The following STRN4 variants were observed in gnomAD, a reference collection of about 807,000 sequenced individuals.
STRN4 encodes striatin 4.
STRN4 carries 27 observed loss-of-function variants against 77.9 expected under a neutral mutation model. That is an observed-to-expected ratio of 0.35 (90% confidence interval 0.26 to 0.48). STRN4 has a LOEUF of 0.48. Ranked by LOEUF, STRN4 falls within the 20% of genes least tolerant of loss-of-function variation. The pLI is 0.99. For synonymous variants in STRN4, 466 were observed against 443.1 expected, an observed-to-expected ratio of 1.05 and a Z score of -0.65; for missense variants, 798 against 1,049.7, an observed-to-expected ratio of 0.76 and a Z score of 3.31.
At chr19:46,724,137 A>G (rs80339149) in intron 12 of STRN4, among the ~76,000 whole-genome samples, 1 of 151,310 alleles carries the variant, frequency 6.6e-6, no homozygotes, top group African/African-American at 2.4e-5. Context: ...AATCCCAGCT[A>G]CTCGGGAGGC....
In STRN4 at chr19:46,746,342, C is replaced by T; in HGVS notation, c.89G>A (p.Gly30Glu). 1 of 1,271,706 alleles carries T rather than the reference C, an allele frequency of 7.9e-7. No homozygotes were observed. Among genetic ancestry groups the T allele is most frequent in the African/African-American group, 1.6e-5 (1 of 62,904 alleles). The allele number at this position is 1,271,706 out of a possible 1,614,324, so 78.8% of individuals were successfully genotyped here. A position where few individuals can be genotyped will look rare whatever the true frequency, so the allele number is the denominator to read the frequency against. Reference sequence around the variant, plus strand: ...GGCAGGGGCGGAGACCGGGGCCGCCCCAGTGGGGCCAGGGCCCGCGCCTGA... The same window carrying T: ...GGCAGGGGCGGAGACCGGGGCCGCCTCAGTGGGGCCAGGGCCCGCGCCTGA... ...LGSGAGPGPT[G>E]AAPVSAPAPG... The change falls in exon 1 of 18, where the codon GGG becomes GAG. Residue 30 changes from glycine to glutamate, a missense_variant. Transcript: ENST00000263280.
intron 9 of STRN4, chr19:46,726,090 C>T (rs370726987): frequency 1.1e-5 from 2 of 175,070 alleles, no homozygotes; most frequent in Non-Finnish European, 2.5e-5. Context: ...AAGGAGAGGG[C>T]CCTGGAGAGG....
chr19:46,725,774 C>T, intron 9 of STRN4, 126 bp from the exon 10 acceptor site: 2 of 1,261,138 alleles, frequency 1.6e-6, no homozygotes, highest in Non-Finnish European at 2.2e-6. Flanking sequence ...GCCCTCAGAG[C>T]CTGGGCTCCA....
At chr19:46,745,271 C>A (rs1038136175) in intron 1 of STRN4, among the ~76,000 whole-genome samples, 1 of 152,120 alleles carries the variant, frequency 6.6e-6, no homozygotes, top group Non-Finnish European at 1.5e-5. Context: ...TCCTGCACAC[C>A]CCCAAAGTGG....
chr19:46,719,699 C>A lies in STRN4; in HGVS notation c.*706G>T, dbSNP rs1184479541. ...CTGAGACCATCACACAGTGATAATG[C>A]GGGTGGGGCGGCGCCATGAAAATCC... On this transcript the variant is annotated 3_prime_UTR_variant, in exon 18 of 18. Coordinates refer to ENST00000263280, the MANE Select transcript of STRN4 (RefSeq NM_013403.3). 1 of 152,418 alleles carries A rather than the reference C, an allele frequency of 6.6e-6. No individual in the cohort carries two copies. The highest frequency in any genetic ancestry group is 1.5e-5 in the Non-Finnish European group (1 of 68,022). The allele number at this position is 152,418 out of a possible 1,614,324, so 9.4% of individuals were successfully genotyped here.
chr19:46,728,537 A>C, intron 7 of STRN4, 81 bp downstream of exon 7: 1 of 1,511,054 alleles, frequency 6.6e-7, no homozygotes, highest in East Asian at 2.3e-5. Context: ...CTGTACAGGA[A>C]GCAGCTGCGG....
At position 46,738,028 on chromosome 19, in the gene STRN4, G is replaced by A. The variant is rs865917691; in HGVS notation, c.460+136C>T. 3.7e-5 allele frequency: 32 copies of A among 875,138 alleles called. No individual in the cohort carries two copies. Among genetic ancestry groups the A allele is most frequent in the Middle Eastern group, 6.2e-4 (2 of 3,220 alleles). The allele number at this position is 875,138 out of a possible 1,614,324, so 54.2% of individuals were successfully genotyped here. Reference sequence around the variant, plus strand: ...GGGAGGGCTCTGAGAGTGAGATTCCGCCCCTCCCCAGCCCCGGGGCCGATT... The same window carrying A: ...GGGAGGGCTCTGAGAGTGAGATTCCACCCCTCCCCAGCCCCGGGGCCGATT... On this transcript the variant is annotated intron_variant, in intron 3 of 17. Transcript: ENST00000263280. This position sits in a 1 kb window ranked among gnomAD's most constrained non-coding sequence, Gnocchi z 4.5.
At chr19:46,722,731 G>A in intron 14 of STRN4, 79 bp downstream of exon 14, 1 of 1,578,742 alleles carries the variant, frequency 6.3e-7, no homozygotes, top group Non-Finnish European at 8.6e-7. Context: ...GACTGACAAG[G>A]GGTCGCCAAA....
At chr19:46,737,028 G>A (rs1227014941) in intron 3 of STRN4, 127 bp from the exon 4 acceptor site, 6 of 798,376 alleles carry the variant, frequency 7.5e-6, no homozygotes, top group African/African-American at 1.8e-5. Context: ...ATCACTTCCT[G>A]AGTGTTGGAA....
intron 3 of STRN4, among the ~76,000 whole-genome samples, chr19:46,737,615 G>A (rs541559388): frequency 6.0e-5 from 9 of 148,822 alleles, no homozygotes; most frequent in African/African-American, 1.5e-4. Flanking sequence ...CCCTTTCAGC[G>A]TGCGTCTCTG....
At chr19:46,725,940 C>T (rs932739157) in intron 9 of STRN4, 1 of 410,580 alleles carries the variant, frequency 2.4e-6, no homozygotes, top group African/African-American at 2.0e-5. Context: ...CTGGACCATC[C>T]CACAAGTGTG....
intron 4 of STRN4, among the ~76,000 whole-genome samples, chr19:46,735,256 A>C (rs1037132518): frequency 2.6e-5 from 4 of 152,142 alleles, no homozygotes; most frequent in African/African-American, 9.7e-5. Context: ...CAGTGAGCCG[A>C]GATTATGCCA....
chr19:46,739,953 G>A (rs957607964), intron 1 of STRN4, among the ~76,000 whole-genome samples: 4 of 152,270 alleles, frequency 2.6e-5, no homozygotes, highest in South Asian at 2.1e-4. Context: ...AGTTCCTTAC[G>A]GGAGGTAGGA....
intron 11 of STRN4, 88 bp downstream of exon 11, chr19:46,725,244 C>T (rs1385379347): frequency 2.3e-5 from 36 of 1,579,470 alleles, no homozygotes; most frequent in Admixed American, 3.4e-5. Context: ...TGCCTCCTGC[C>T]GTGGGCCTCC....
At position 46,730,717 on chromosome 19, in the gene STRN4, G is replaced by A. The variant is rs1425090967; in HGVS notation, c.879+15C>T. 6.2e-7 allele frequency: 1 copy of A among 1,610,622 alleles called. No individual in the cohort carries two copies. ...ACCCAGGCCAGGCTGTGCAGGGCAT[G>A]GAGGAAGGGCTCACCTTCACACGCT... is the stretch of plus-strand genomic sequence containing the variant. On this transcript the variant is annotated intron_variant, in intron 6 of 17. Coordinates refer to ENST00000263280, the MANE Select transcript of STRN4 (RefSeq NM_013403.3).
chr19:46,743,348 T>C (rs557010832), intron 1 of STRN4, among the ~76,000 whole-genome samples: 1 of 152,318 alleles, frequency 6.6e-6, no homozygotes, highest in African/African-American at 2.4e-5. Context: ...GCTGGTACCA[T>C]GCCAGACACA....
At chr19:46,730,994 A>G (rs2054237857) in intron 5 of STRN4, 121 bp from the exon 6 acceptor site, 2 of 1,404,294 alleles carry the variant, frequency 1.4e-6, no homozygotes, top group African/African-American at 1.4e-5. Flanking sequence ...CTAACCCCTG[A>G]GCAGCCTTGA....
Position 46,738,136 on chromosome 19 carries a change from G to A in STRN4, c.460+28C>T, listed in dbSNP as rs745517708. ...CACTCAGCTTCTGCGGGAGGGTGCC[G>A]ACAGTGCGAGCATCAGAGGGTGGGT... is the stretch of plus-strand genomic sequence containing the variant. On this transcript the variant is annotated intron_variant, in intron 3 of 17. Transcript: ENST00000263280. This position sits in a 1 kb window ranked among gnomAD's most constrained non-coding sequence, Gnocchi z 4.5. 1.7e-5 allele frequency: 28 copies of A among 1,609,862 alleles called. No homozygotes were observed. Among genetic ancestry groups the A allele is most frequent in the Middle Eastern group, 1.6e-4 (1 of 6,062 alleles).
chr19:46,741,648 C>T lies in STRN4; in HGVS notation c.283-2760G>A, dbSNP rs554473365. 2.0e-5 allele frequency among the ~76,000 whole-genome samples: 3 copies of T among 152,202 alleles called. No individual in the cohort carries two copies. The highest frequency in any genetic ancestry group is 4.8e-5 in the African/African-American group (2 of 41,446). Reference sequence around the variant, plus strand: ...CACTGCCACTCCCTCTAGCCAGAGCCGCAGAGCATGCGCTCCCAAAACCTT... The same window carrying T: ...CACTGCCACTCCCTCTAGCCAGAGCTGCAGAGCATGCGCTCCCAAAACCTT... On this transcript the variant is annotated intron_variant, in intron 1 of 17. Transcript: ENST00000263280. The surrounding 1 kb of genome is among the most constrained non-coding windows in gnomAD (Gnocchi z 4.9).
Sources: allele counts gnomAD v4.1 joint callset (sites outside exome capture counted in the v4.1 genomes callset), GRCh38; gene constraint gnomAD v4.1.1; non-coding constraint Gnocchi (gnomAD v3.1); transcripts MANE v1.5; gene names NCBI Gene and HGNC (gene_info 2026-07-23, HGNC 2026-07-21).